Variants in SETDB1 observed in about 807,000 individuals in gnomAD.
SETDB1 encodes the protein histone-lysine N-methyltransferase SETDB1.
SETDB1 carries 31 observed loss-of-function variants against 137.4 expected under a neutral mutation model. That is an observed-to-expected ratio of 0.23 (90% CI 0.17 to 0.30). The LOEUF (loss-of-function observed/expected upper bound fraction) is 0.30, where lower values mean the gene tolerates loss of function less well. Among genes scored for constraint, SETDB1 ranks in the 10% least tolerant of loss-of-function variants. The pLI is 1.00. For missense variants in SETDB1, 1,113 were observed against 1,631.5 expected (o/e 0.68, Z 5.47); for synonymous variants, 548 against 579.9 (o/e 0.95, Z 0.79).
chr1:150,933,861 G>C (rs1176777208), intron 3 of SETDB1, among the ~76,000 whole-genome samples: 4 of 133,912 alleles, frequency 3.0e-5, no homozygotes, highest in African/African-American at 1.2e-4. Flanking sequence ...TCTGCTCACT[G>C]CAACCTCCGC....
In SETDB1 at chr1:150,951,200, C is replaced by T. The variant is rs587721153; in HGVS notation, c.2216+110C>T. 99 of 1,281,772 alleles carry T rather than the reference C, an allele frequency of 7.7e-5. No individual in the cohort carries two copies. In the African/African-American group the frequency reaches 1.4e-3, roughly 18 times the overall value. 79.4% of individuals were successfully genotyped at this position (1,281,772 alleles called of 1,614,324 possible). On this transcript the variant is annotated intron_variant, in intron 13 of 21. Coordinates refer to ENST00000692827, the MANE Select transcript of SETDB1 (RefSeq NM_001366418.1). ...CTGCTTTCCCCATCTTCCTTTACCT[C>T]CTCCCTCACCTGGAACTCCTGCTAT...
intron 12 of SETDB1, among the ~76,000 whole-genome samples, chr1:150,949,778 C>T (rs974141005): frequency 1.3e-5 from 2 of 152,130 alleles, no homozygotes; most frequent in African/African-American, 4.8e-5. Flanking sequence ...AACATGGTGC[C>T]ATCATTGCTA....
At position 150,945,388 on chromosome 1, in the gene SETDB1, G is replaced by A. The variant is rs1353468120; in HGVS notation, c.1140+280G>A. 5 of 1,060,000 alleles carry A rather than the reference G, an allele frequency of 4.7e-6. No individual in the cohort carries two copies. In the East Asian group the frequency reaches 1.2e-4, roughly 26 times the overall value. The allele number at this position is 1,060,000 out of a possible 1,614,324, so 65.7% of individuals were successfully genotyped here. Reference sequence around the variant, plus strand: ...TTCACATTGTGTGTAGGTACAGAAAGGGCAGCCAATTCCATTTTTCCAGGG... The same window carrying A: ...TTCACATTGTGTGTAGGTACAGAAAAGGCAGCCAATTCCATTTTTCCAGGG... On this transcript the variant is annotated intron_variant, in intron 9 of 21. Coordinates refer to ENST00000692827, the MANE Select transcript of SETDB1 (RefSeq NM_001366418.1).
chr1:150,932,629 G>C (rs1430340521), intron 3 of SETDB1, among the ~76,000 whole-genome samples: 1 of 151,976 alleles, frequency 6.6e-6, no homozygotes, highest in African/African-American at 2.4e-5. Context: ...GACTTTTTCT[G>C]TTCCATGATC....
At chr1:150,946,392 T>C (rs1016297224) in intron 9 of SETDB1, among the ~76,000 whole-genome samples, 3 of 152,118 alleles carry the variant, frequency 2.0e-5, no homozygotes, top group African/African-American at 7.2e-5. Context: ...ATATTTTTCA[T>C]TGTTGTGTTC....
At chr1:150,942,131 C>T (rs1279792363) in intron 5 of SETDB1, among the ~76,000 whole-genome samples, 1 of 129,148 alleles carries the variant, frequency 7.7e-6, no homozygotes, top group East Asian at 2.3e-4. Flanking sequence ...CAGAACGAGA[C>T]TCCATCTCAA....
intron 14 of SETDB1, among the ~76,000 whole-genome samples, chr1:150,958,176 T>G (rs1670705676): frequency 7.0e-6 from 1 of 142,620 alleles, no homozygotes. Flanking sequence ...AGAGCGAAAC[T>G]CTGTCTCCAA....
At chr1:150,945,257 T>C in intron 9 of SETDB1, 149 bp downstream of exon 9, 1 of 1,466,236 alleles carries the variant, frequency 6.8e-7, no homozygotes, top group Non-Finnish European at 9.0e-7. Flanking sequence ...AATTTTACTT[T>C]GCCCTTTTTG....
intron 12 of SETDB1, among the ~76,000 whole-genome samples, chr1:150,950,138 G>T (rs1160598993): frequency 6.6e-6 from 1 of 152,122 alleles, no homozygotes; most frequent in Non-Finnish European, 1.5e-5. Flanking sequence ...GGACGCTGAG[G>T]CAGGAGAATC....
intron 5 of SETDB1, 26 bp from the exon 6 acceptor site, chr1:150,942,535 CTT>C (rs1670198417): frequency 1.3e-6 from 2 of 1,598,792 alleles, no homozygotes; most frequent in South Asian, 1.1e-5. Context: ...TGTCATAACT[CTT>C]GAGAATAACT....
chr1:150,962,824 T>C, intron 18 of SETDB1, 105 bp downstream of exon 18: 1 of 1,458,902 alleles, frequency 6.9e-7, no homozygotes, highest in Non-Finnish European at 9.4e-7. Flanking sequence ...CCTACTTCTT[T>C]AGCCTTGACT....
chr1:150,928,636 T>G (rs1669616828), intron 2 of SETDB1, among the ~76,000 whole-genome samples: 1 of 152,240 alleles, frequency 6.6e-6, no homozygotes, highest in South Asian at 2.1e-4. Flanking sequence ...TATTATACTT[T>G]AAGTTCTAGG....
At chr1:150,931,644 AT>A (rs1291610208) in intron 3 of SETDB1, among the ~76,000 whole-genome samples, 2 of 99,298 alleles carry the variant, frequency 2.0e-5, no homozygotes, top group South Asian at 7.1e-4. Flanking sequence ...AATAAAAAAA[AT>A]AAAGATAAAC....
At chr1:150,960,171 T>C (rs1045588989) in intron 15 of SETDB1, among the ~76,000 whole-genome samples, 1 of 151,672 alleles carries the variant, frequency 6.6e-6, no homozygotes, top group Non-Finnish European at 1.5e-5. Context: ...ATAATCCTTA[T>C]TCTTTCTAAT....
chr1:150,927,957 C>A lies in SETDB1; in HGVS notation c.243C>A (p.Leu81=). 1 of 1,614,202 alleles carries A rather than the reference C, an allele frequency of 6.2e-7. No individual in the cohort carries two copies. The highest frequency in any genetic ancestry group is 8.5e-7 in the Non-Finnish European group (1 of 1,180,012). The change falls in exon 2 of 22, where the codon CTC becomes CTA. Residue 81 remains leucine (L), a synonymous_variant. Transcript: ENST00000692827. ...CTGAGGTGGCTCACGTTGACCAACT[C>A]TTTGATGATGCATCCAGGTGAGAAC... ...KESEVAHVDQ[L]FDDASRAVTN...
At position 150,962,308 on chromosome 1, in the gene SETDB1, A is replaced by G. The variant is rs144325286; in HGVS notation, c.3161+150A>G. 1,126 of 760,032 alleles carry G rather than the reference A, an allele frequency of 1.5e-3. 7 individuals are homozygous for G. The highest frequency in any genetic ancestry group is 9.3e-3 in the African/African-American group (541 of 58,142). 47.1% of individuals were successfully genotyped at this position (760,032 alleles called of 1,614,324 possible). The stretch of plus-strand genomic sequence containing the variant: ...CTCAGCCTCCCTAGTAGCTGGGACT[A>G]CGGGTGTGCACCACCATGCCTGGCT... On this transcript the variant is annotated intron_variant, in intron 17 of 21. Transcript: ENST00000692827.
At position 150,960,712 on chromosome 1, in the gene SETDB1, G is replaced by A. The variant is rs776369381; in HGVS notation, c.2653G>A (p.Asp885Asn). The A allele has an allele frequency of 6.2e-7, 1 of 1,611,554 alleles. No individual in the cohort carries two copies. Among genetic ancestry groups the A allele is most frequent in the Non-Finnish European group, 8.5e-7 (1 of 1,178,890 alleles). Residue 885 changes from aspartate to asparagine, a missense_variant, in exon 16 of 22, where the codon GAC (aspartate) becomes AAC (asparagine). Coordinates refer to ENST00000692827, the MANE Select transcript of SETDB1 (RefSeq NM_001366418.1). ...CTGTTCCTCTGACAGCAGTGGTGTA[G>A]ACTTGAAGGACCAGGAAGATGGCAA... ...APCSSDSSGVDLKDQEDGNSG... is the reference protein window; with the variant it reads ...APCSSDSSGVNLKDQEDGNSG...
intron 8 of SETDB1, 78 bp from the exon 9 acceptor site, chr1:150,944,840 A>G: frequency 1.3e-6 from 2 of 1,506,112 alleles, no homozygotes; most frequent in East Asian, 2.3e-5. Flanking sequence ...AAAAGTATCA[A>G]ATGTCTCCTG....
chr1:150,931,776 A>T (rs1298434318), intron 3 of SETDB1, among the ~76,000 whole-genome samples: 1 of 139,850 alleles, frequency 7.2e-6, no homozygotes, highest in African/African-American at 2.6e-5. Flanking sequence ...CCTGATGTTG[A>T]TATGAAAGCA....
Sources: allele counts gnomAD v4.1 joint callset (sites outside exome capture counted in the v4.1 genomes callset), GRCh38; gene constraint gnomAD v4.1.1; transcripts MANE v1.5; gene names NCBI Gene and HGNC (gene_info 2026-07-23, HGNC 2026-07-21).